Variants in ACOT11 observed in about 807,000 individuals in gnomAD.
The protein encoded by ACOT11 is acyl-coenzyme A thioesterase 11.
Under a neutral mutation model 77.5 loss-of-function variants are expected in ACOT11, and 69 were observed. The observed-to-expected ratio is 0.89, with a 90% CI of 0.73 to 1.09. The LOEUF (loss-of-function observed/expected upper bound fraction) is 1.09. Among genes scored for constraint, ACOT11 ranks in the 50% least tolerant of loss-of-function variants. The probability of loss-of-function intolerance (pLI) is 0.00; values close to 1 mark genes in which losing one functional copy is unlikely to be tolerated. For synonymous variants in ACOT11, 279 were observed against 313.0 expected (o/e 0.89, Z 1.15); for missense variants, 766 against 813.7 (o/e 0.94, Z 0.71).
chr1:54,562,773 G>A (rs1333233031), intron 1 of ACOT11, among the ~76,000 whole-genome samples: 2 of 84,102 alleles, frequency 2.4e-5, no homozygotes, highest in East Asian at 2.9e-4. Context: ...CAGATGGGGC[G>A]GCGGGGCAGA....
intron 15 of ACOT11, chr1:54,630,665 A>G (rs1466891422): frequency 3.6e-6 from 2 of 559,830 alleles, no homozygotes; most frequent in African/African-American, 3.8e-5. Flanking sequence ...TCAGCTCTGA[A>G]GGCTGTGAGA....
rs764835680 is a variant in ACOT11 at position 54,623,332 on chromosome 1, C to T, written c.1630-7402C>T. ...ATTGCGGCAATGACCACCACAGACA[C>T]ACAGGTAATGCCGGCAAACACCCAC... On this transcript the variant is annotated intron_variant, in intron 15 of 16. Coordinates refer to the ACOT11 transcript ENST00000371316. The T allele has an allele frequency of 6.2e-7, 1 of 1,614,104 alleles. No individual in the cohort carries two copies. The highest frequency in any genetic ancestry group is 2.2e-5 in the East Asian group (1 of 44,870).
At chr1:54,634,257 G>T (rs892467146) in intron 16 of ACOT11, among the ~76,000 whole-genome samples, 3 of 152,116 alleles carry the variant, frequency 2.0e-5, no homozygotes, top group African/African-American at 7.2e-5. Flanking sequence ...TTCACTAATT[G>T]GATTCTCCCT....
chr1:54,637,188 T>G (rs1333136158), exon 17 of ACOT11: 2 of 152,154 alleles, frequency 1.3e-5, no homozygotes, highest in African/African-American at 2.4e-5. Context: ...CTCTATATTT[T>G]TGTGTGTGTG....
In ACOT11 at chr1:54,597,233, C is replaced by T. The variant is rs764779897; in HGVS notation, c.608-26C>T. On this transcript the variant is annotated intron_variant, in intron 6 of 15. Transcript: ENST00000343744. ...TGGGAATGTTCTCACCTCCCTGCTT[C>T]CCTCCCTTATCCCATCCCTGGTCAG... The T allele has an allele frequency of 5.6e-6, 9 of 1,607,766 alleles. No individual in the cohort carries two copies. In the Middle Eastern group the frequency reaches 5.0e-4, roughly 89 times the overall value.
intron 15 of ACOT11, among the ~76,000 whole-genome samples, chr1:54,622,915 C>T (rs894778115): frequency 2.6e-5 from 4 of 151,950 alleles, no homozygotes. Flanking sequence ...TGACTCACAC[C>T]TGTAATCCCA....
At chr1:54,564,674 C>A (rs1255931801) in intron 1 of ACOT11, among the ~76,000 whole-genome samples, 1 of 152,176 alleles carries the variant, frequency 6.6e-6, no homozygotes, top group Non-Finnish European at 1.5e-5. Flanking sequence ...TTTTTCTTCT[C>A]CAGGGATACA....
intron 1 of ACOT11, chr1:54,573,141 C>G (rs985737661): frequency 1.4e-5 from 14 of 985,298 alleles, no homozygotes; most frequent in Non-Finnish European, 1.7e-5. Flanking sequence ...CCTGGCCTAG[C>G]ATGTCTGGTT....
At chr1:54,606,717 C>T (rs997898723) in intron 13 of ACOT11, among the ~76,000 whole-genome samples, 19 of 152,176 alleles carry the variant, frequency 1.2e-4, no homozygotes, top group Non-Finnish European at 1.8e-4. Flanking sequence ...ACTCAGTGGG[C>T]GCTCAGTAAA....
intron 8 of ACOT11, among the ~76,000 whole-genome samples, chr1:54,600,245 A>G (rs1189395844): frequency 6.6e-6 from 1 of 152,216 alleles, no homozygotes; most frequent in African/African-American, 2.4e-5. Context: ...ATTTTAGTCC[A>G]GATTCCAGGA....
intron 15 of ACOT11, among the ~76,000 whole-genome samples, chr1:54,621,175 A>G (rs1386153641): frequency 6.7e-6 from 1 of 148,150 alleles, no homozygotes; most frequent in East Asian, 2.0e-4. Context: ...AAAAAAAAAA[A>G]CCTGCGCGCG....
chr1:54,609,122 G>A lies in ACOT11; in HGVS notation c.*10G>A. The A allele has an allele frequency of 6.2e-7, 1 of 1,614,012 alleles. No homozygotes were observed. The highest frequency in any genetic ancestry group is 8.5e-7 in the Non-Finnish European group (1 of 1,179,972). On this transcript the variant is annotated 3_prime_UTR_variant, in exon 16 of 16. Coordinates refer to ENST00000343744, the MANE Select transcript of ACOT11 (RefSeq NM_147161.4). ...CCTCCAGACCCTCTAGATGCCCTCA[G>A]TGGCCACATCATGCCCACTCCCACT...
At chr1:54,561,786 A>AC (rs1362779443) in intron 1 of ACOT11, among the ~76,000 whole-genome samples, 3 of 87,428 alleles carry the variant, frequency 3.4e-5, no homozygotes, top group African/African-American at 4.7e-5. Context: ...CGGGGGGCTG[A>AC]CCCCCCCACC....
chr1:54,631,647 G>A (rs7545297), intron 16 of ACOT11, among the ~76,000 whole-genome samples: 66,129 of 151,994 alleles, frequency 0.44, 15,453 homozygotes, highest in African/African-American at 0.61. Context: ...ATGATGCCAT[G>A]GAACAGCTTA....
Position 54,627,291 on chromosome 1 carries a change from G to C in ACOT11, c.1630-3443G>C, listed in dbSNP as rs988281198. Among the ~76,000 whole-genome samples the C allele has an allele frequency of 5.2e-5, 7 of 134,732 alleles. 2 individuals are homozygous for C. The highest frequency in any genetic ancestry group is 1.2e-4 in the Non-Finnish European group (7 of 59,434). 88.4% of individuals were successfully genotyped at this position (134,732 alleles called of 152,430 possible). ...TGTCCTCCCTGGGAAAGAGGCCGGCGAGCCGAGCTCTGAGGCACAGAGCTT... is the reference window on the plus strand; with the variant it reads ...TGTCCTCCCTGGGAAAGAGGCCGGCCAGCCGAGCTCTGAGGCACAGAGCTT... On this transcript the variant is annotated intron_variant, in intron 15 of 16. Coordinates refer to the ACOT11 transcript ENST00000371316.
intron 1 of ACOT11, chr1:54,548,618 C>T (rs1333095543): frequency 3.4e-5 from 19 of 553,180 alleles, no homozygotes; most frequent in South Asian, 1.5e-4. Context: ...GAATTCTATT[C>T]GGTGGGTGTA....
chr1:54,588,779 C>T (rs776703986), intron 3 of ACOT11, among the ~76,000 whole-genome samples: 18 of 152,016 alleles, frequency 1.2e-4, no homozygotes, highest in Non-Finnish European at 2.1e-4. Flanking sequence ...GATGGCTGGA[C>T]CTGCTGCAGG....
chr1:54,619,046 C>A (rs116286469), intron 15 of ACOT11, among the ~76,000 whole-genome samples: 1 of 152,118 alleles, frequency 6.6e-6, no homozygotes, highest in Non-Finnish European at 1.5e-5. Flanking sequence ...ATTCTACCAG[C>A]CCTCAGACCC....
intron 1 of ACOT11, among the ~76,000 whole-genome samples, chr1:54,569,569 A>G (rs1653865360): frequency 6.6e-6 from 1 of 152,106 alleles, no homozygotes; most frequent in Non-Finnish European, 1.5e-5. Flanking sequence ...CCTCCCTGCC[A>G]CTGAGTCATT....
Sources: allele counts gnomAD v4.1 joint callset (sites outside exome capture counted in the v4.1 genomes callset), GRCh38; gene constraint gnomAD v4.1.1; transcripts MANE v1.5; gene names NCBI Gene and HGNC (gene_info 2026-07-23, HGNC 2026-07-21).